The following STAP1 variants were observed in gnomAD, a reference collection of about 807,000 sequenced individuals.
The protein encoded by STAP1 is signal-transducing adaptor protein 1.
Under a neutral mutation model 37.8 loss-of-function variants are expected in STAP1, and 30 were observed. The ratio of observed to expected loss-of-function variants is 0.79; its 90% CI spans 0.59 to 1.08. The LOEUF (loss-of-function observed/expected upper bound fraction) is 1.08. Ranked by LOEUF, STAP1 falls within the 50% of genes least tolerant of loss-of-function variation. The pLI is 0.00. For missense variants in STAP1, 357 were observed against 349.4 expected, an observed-to-expected ratio of 1.02 and a Z score of -0.17; for synonymous variants, 130 against 116.0, an observed-to-expected ratio of 1.12 and a Z score of -0.78.
intron 8 of STAP1, among the ~76,000 whole-genome samples, chr4:67,603,713 G>C (rs964282346): frequency 6.6e-6 from 1 of 152,112 alleles, no homozygotes; most frequent in South Asian, 2.1e-4. Flanking sequence ...GACTCTGCCT[G>C]ATGCCCTGTT....
chr4:67,582,724 C>T (rs1232493493), intron 5 of STAP1, among the ~76,000 whole-genome samples: 1 of 151,848 alleles, frequency 6.6e-6, no homozygotes, highest in Non-Finnish European at 1.5e-5. Context: ...GACTTTTTGA[C>T]TTTAAGATGA....
At chr4:67,578,760 A>G (rs1727783697) in intron 4 of STAP1, among the ~76,000 whole-genome samples, 2 of 152,182 alleles carry the variant, frequency 1.3e-5, no homozygotes, top group Non-Finnish European at 2.9e-5. Context: ...GAGTAAAAAT[A>G]AAAAGCATTA....
intron 8 of STAP1, among the ~76,000 whole-genome samples, chr4:67,605,929 C>A (rs1034286441): frequency 6.6e-6 from 1 of 151,934 alleles, no homozygotes; most frequent in Non-Finnish European, 1.5e-5. Flanking sequence ...TTTTTTTGAT[C>A]CCTGTTAACC....
intron 8 of STAP1, among the ~76,000 whole-genome samples, chr4:67,602,221 T>A (rs1728359434): frequency 6.6e-6 from 1 of 152,100 alleles, no homozygotes; most frequent in African/African-American, 2.4e-5. Flanking sequence ...TTTGTTAAAT[T>A]ATGTGATGGG....
At chr4:67,589,034 G>T (rs991547329) in intron 6 of STAP1, among the ~76,000 whole-genome samples, 1 of 152,280 alleles carries the variant, frequency 6.6e-6, no homozygotes, top group East Asian at 1.9e-4. Context: ...GAAGAAAATG[G>T]AGGTTCAGAG....
At chr4:67,584,993 G>T (rs962671899) in intron 6 of STAP1, among the ~76,000 whole-genome samples, 1 of 152,108 alleles carries the variant, frequency 6.6e-6, no homozygotes, top group Non-Finnish European at 1.5e-5. Flanking sequence ...AAATGCAAAC[G>T]TTATTTTTCT....
At chr4:67,577,296 T>A in intron 4 of STAP1, 37 bp downstream of exon 4, 1 of 1,574,130 alleles carries the variant, frequency 6.4e-7, no homozygotes, top group Non-Finnish European at 8.6e-7. Flanking sequence ...TTCTTTTTTT[T>A]TTTCAACAAA....
At chr4:67,576,109 C>A (rs113716735) in intron 3 of STAP1, among the ~76,000 whole-genome samples, 1,704 of 152,158 alleles carry the variant, frequency 0.011, 16 homozygotes, top group Non-Finnish European at 0.019. Context: ...AGTTACTTAC[C>A]CTTTTTGTGT....
At chr4:67,563,045 TGGG>T (rs1727386635) in intron 1 of STAP1, among the ~76,000 whole-genome samples, 1 of 152,156 alleles carries the variant, frequency 6.6e-6, no homozygotes, top group Non-Finnish European at 1.5e-5. Flanking sequence ...AGCTTTTTAT[TGGG>T]GACAGAGGAA....
chr4:67,583,208 C>T (rs1727903735), intron 5 of STAP1, among the ~76,000 whole-genome samples: 1 of 152,070 alleles, frequency 6.6e-6, no homozygotes, highest in Non-Finnish European at 1.5e-5. Flanking sequence ...TGTTTTGTAT[C>T]CCCGAAAGGA....
At chr4:67,586,602 TGTG>T (rs1161089103) in intron 6 of STAP1, among the ~76,000 whole-genome samples, 7 of 152,216 alleles carry the variant, frequency 4.6e-5, no homozygotes, top group Non-Finnish European at 1.5e-5. Context: ...CTGTTGCAGA[TGTG>T]GTGTGTGACT....
At chr4:67,571,491 C>A (rs996197849) in intron 2 of STAP1, among the ~76,000 whole-genome samples, 1 of 152,154 alleles carries the variant, frequency 6.6e-6, no homozygotes, top group Non-Finnish European at 1.5e-5. Context: ...ATTTCTCCCA[C>A]TTTTTATCTT....
chr4:67,559,576 T>C (rs767935944), intron 1 of STAP1, among the ~76,000 whole-genome samples: 1 of 152,090 alleles, frequency 6.6e-6, no homozygotes, highest in African/African-American at 2.4e-5. Flanking sequence ...TATTTTTAAA[T>C]GTAATAATTA....
At chr4:67,563,800 T>C (rs959062856) in intron 1 of STAP1, among the ~76,000 whole-genome samples, 2 of 152,190 alleles carry the variant, frequency 1.3e-5, no homozygotes, top group African/African-American at 2.4e-5. Flanking sequence ...TGGATTTGAT[T>C]GTGATGCACT....
At chr4:67,578,704 A>G (rs1039583385) in intron 4 of STAP1, among the ~76,000 whole-genome samples, 2 of 152,214 alleles carry the variant, frequency 1.3e-5, no homozygotes, top group African/African-American at 4.8e-5. Flanking sequence ...TACACTAAGT[A>G]TGTATAAAGT....
intron 1 of STAP1, among the ~76,000 whole-genome samples, chr4:67,564,024 GA>G (rs1727410433): frequency 1.3e-5 from 2 of 150,890 alleles, no homozygotes; most frequent in Admixed American, 1.3e-4. Flanking sequence ...TATTTCTCTA[GA>G]TATGAATAGG....
At chr4:67,572,336 T>C (rs1333601979) in intron 2 of STAP1, among the ~76,000 whole-genome samples, 1 of 152,196 alleles carries the variant, frequency 6.6e-6, no homozygotes, top group Non-Finnish European at 1.5e-5. Flanking sequence ...GTTAAAACAG[T>C]GTTCATTACC....
chr4:67,606,447 C>A lies in STAP1; in HGVS notation c.*90C>A. 1 of 1,040,074 alleles carries A rather than the reference C, an allele frequency of 9.6e-7. No homozygotes were observed. Among genetic ancestry groups the A allele is most frequent in the Non-Finnish European group, 1.4e-6 (1 of 718,002 alleles). 64.4% of individuals were successfully genotyped at this position (1,040,074 alleles called of 1,614,324 possible). ...TTTAAAGAGAATTACCTATATTCTC[C>A]TGATACTGATTACCAAGTCATTCAC... is the stretch of plus-strand genomic sequence containing the variant. On this transcript the variant is annotated 3_prime_UTR_variant, in exon 9 of 9. Coordinates refer to ENST00000265404, the MANE Select transcript of STAP1 (RefSeq NM_012108.4).
At chr4:67,561,297 G>A (rs1282903544) in intron 1 of STAP1, among the ~76,000 whole-genome samples, 4 of 152,206 alleles carry the variant, frequency 2.6e-5, no homozygotes. Flanking sequence ...TGAGCCAAAG[G>A]TATATAGCCA....
Sources: gnomAD v4.1 joint callset for allele counts (sites outside exome capture counted in the v4.1 genomes callset) on GRCh38, gnomAD v4.1.1 for gene constraint, MANE v1.5 for transcripts, NCBI Gene and HGNC (gene_info 2026-07-23, HGNC 2026-07-21) for gene names.